Variants in STRADA observed in about 807,000 individuals in gnomAD.
STRADA encodes STE20-related kinase adapter protein alpha.
STRADA carries 26 observed loss-of-function variants against 55.0 expected under a neutral mutation model. That is an observed-to-expected ratio of 0.47 (90% CI 0.35 to 0.66). The LOEUF (loss-of-function observed/expected upper bound fraction) is 0.66, where lower values mean the gene tolerates loss of function less well. Ranked by LOEUF, STRADA falls within the 30% of genes least tolerant of loss-of-function variation. STRADA has a pLI of 0.01. For synonymous variants in STRADA, 197 were observed against 210.9 expected (o/e 0.93, Z 0.57); for missense variants, 443 against 549.7 (o/e 0.81, Z 1.94).
rs181543587 is a variant in STRADA, at chr17:63,740,917, T to C, written c.-45+824A>G. Among the ~76,000 whole-genome samples the C allele has an allele frequency of 2.3e-3, 356 of 152,338 alleles. 3 individuals carry two copies. The highest frequency in any genetic ancestry group is 0.021 in the Admixed American group (318 of 15,308). The stretch of plus-strand genomic sequence containing the variant: ...CAGGTGATCAAATTTGGTTTCTTCC[T>C]TAACTCTCAGGGACAAGAAACAGTC... On this transcript the variant is annotated intron_variant, in intron 1 of 12. Coordinates refer to ENST00000336174, the MANE Select transcript of STRADA (RefSeq NM_001003787.4).
intron 9 of STRADA, 140 bp from the exon 10 acceptor site, chr17:63,706,879 A>C: frequency 1.5e-6 from 1 of 669,736 alleles, no homozygotes; most frequent in Non-Finnish European, 2.6e-6. Context: ...GTGCTACTGA[A>C]GACTAACTGG....
At chr17:63,718,198 C>T (rs143439733) in intron 4 of STRADA, among the ~76,000 whole-genome samples, 1 of 152,286 alleles carries the variant, frequency 6.6e-6, no homozygotes, top group East Asian at 1.9e-4. Context: ...ACTGGGATTA[C>T]AGGCTTGAGC....
chr17:63,720,792 TA>T (rs1471538835), intron 4 of STRADA, among the ~76,000 whole-genome samples: 1 of 113,442 alleles, frequency 8.8e-6, no homozygotes, highest in Non-Finnish European at 1.8e-5. Context: ...AAAAAAAAAG[TA>T]AAAAAAGAAA....
At position 63,704,653 on chromosome 17, in the gene STRADA, A is replaced by T. The variant is rs1478572415; in HGVS notation, c.859-71T>A. 7 of 1,515,470 alleles carry T rather than the reference A, an allele frequency of 4.6e-6. No homozygotes were observed. In the South Asian group the frequency reaches 9.0e-5, roughly 20 times the overall value. 93.9% of individuals were successfully genotyped at this position (1,515,470 alleles called of 1,614,324 possible). On this transcript the variant is annotated intron_variant, in intron 10 of 12. Coordinates refer to ENST00000336174, the MANE Select transcript of STRADA (RefSeq NM_001003787.4). ...GGGGGTGGTCCCTGGAAGGCCTGAG[A>T]GTCTCTTCACAAATACACTGTTCCC...
At position 63,730,895 on chromosome 17, in the gene STRADA, G is replaced by A. The variant is rs142144418; in HGVS notation, c.-44-2482C>T. Among the ~76,000 whole-genome samples the A allele has an allele frequency of 4.9e-3, 741 of 152,066 alleles. 7 individuals carry two copies. Among genetic ancestry groups the A allele is most frequent in the African/African-American group, 0.017 (717 of 41,496 alleles). On this transcript the variant is annotated intron_variant, in intron 1 of 12. Transcript: ENST00000336174. ...TGAGCTCAAGCAATTGTCTGCCTCA[G>A]CCTCCCAAAGTGCTAGGATTACAGG...
In STRADA at chr17:63,703,560, T is replaced by G. The variant is rs529800741; in HGVS notation, c.*39A>C. The G allele has an allele frequency of 6.3e-7, 1 of 1,587,628 alleles. No individual in the cohort carries two copies. The highest frequency in any genetic ancestry group is 8.6e-7 in the Non-Finnish European group (1 of 1,164,540). On this transcript the variant is annotated 3_prime_UTR_variant, in exon 13 of 13. Coordinates refer to ENST00000336174, the MANE Select transcript of STRADA (RefSeq NM_001003787.4). ...TCAGGAAGGGCCTCTGGGTGGCCTC[T>G]GCATCCCTGGCTGGAGAATGCGCAC... is the stretch of plus-strand genomic sequence containing the variant.
intron 5 of STRADA, 25 bp downstream of exon 5, chr17:63,713,981 G>A: frequency 6.3e-7 from 1 of 1,593,210 alleles, no homozygotes; most frequent in Non-Finnish European, 8.6e-7. Context: ...GAAAGCAGGA[G>A]AGTAAGGACG....
intron 1 of STRADA, among the ~76,000 whole-genome samples, chr17:63,729,152 G>A (rs1464790006): frequency 1.3e-5 from 2 of 152,022 alleles, no homozygotes; most frequent in African/African-American, 4.8e-5. Context: ...CCAAAGTGTG[G>A]GGGTTACCAC....
chr17:63,737,293 A>C (rs2038519750), intron 1 of STRADA: 1 of 149,054 alleles, frequency 6.7e-6, no homozygotes, highest in Non-Finnish European at 1.5e-5. Context: ...ATAGTTCAGC[A>C]AGGAATGAGA....
chr17:63,716,626 C>T (rs1046705561), intron 4 of STRADA, among the ~76,000 whole-genome samples: 8 of 152,052 alleles, frequency 5.3e-5, no homozygotes, highest in Admixed American at 2.0e-4. Flanking sequence ...GTAGGCCCCA[C>T]GGAACTCTGA....
intron 3 of STRADA, among the ~76,000 whole-genome samples, chr17:63,724,944 T>A (rs1470092624): frequency 6.6e-6 from 1 of 152,102 alleles, no homozygotes; most frequent in Non-Finnish European, 1.5e-5. Context: ...TTGAGATGTG[T>A]TAGGGAAAAT....
intron 1 of STRADA, among the ~76,000 whole-genome samples, chr17:63,740,994 G>C (rs988962813): frequency 1.3e-5 from 2 of 152,050 alleles, no homozygotes; most frequent in Non-Finnish European, 1.5e-5. Flanking sequence ...TCTTAACGTC[G>C]CATATACGTA....
chr17:63,736,849 C>CAAAAAA (rs1051246761), intron 1 of STRADA, among the ~76,000 whole-genome samples: 1 of 127,404 alleles, frequency 7.8e-6, no homozygotes, highest in Non-Finnish European at 1.6e-5. Flanking sequence ...CCCCCCCCAC[C>CAAAAAA]AAAAAAAAAT....
intron 8 of STRADA, among the ~76,000 whole-genome samples, chr17:63,707,775 G>A (rs1337573817): frequency 6.6e-6 from 1 of 150,976 alleles, no homozygotes; most frequent in East Asian, 2.0e-4. Context: ...CTGTCGCACA[G>A]ACTGGAGTGT....
At chr17:63,722,579 A>T (rs2037386075) in intron 4 of STRADA, among the ~76,000 whole-genome samples, 4 of 152,194 alleles carry the variant, frequency 2.6e-5, no homozygotes, top group Non-Finnish European at 1.5e-5. Flanking sequence ...AGTCAACATC[A>T]CTGTCCTTCA....
At chr17:63,729,539 C>A (rs529880986) in intron 1 of STRADA, among the ~76,000 whole-genome samples, 3 of 152,178 alleles carry the variant, frequency 2.0e-5, no homozygotes, top group Admixed American at 6.5e-5. Flanking sequence ...AATCCCAGCA[C>A]TTTGGGAGGC....
chr17:63,725,106 C>T (rs183828019), intron 3 of STRADA, among the ~76,000 whole-genome samples: 11 of 152,090 alleles, frequency 7.2e-5, no homozygotes, highest in Middle Eastern at 3.4e-3. Flanking sequence ...TGGTGTGATC[C>T]TGTAATCCCA....
intron 8 of STRADA, among the ~76,000 whole-genome samples, chr17:63,708,540 A>ATG (rs1468703445): frequency 2.6e-5 from 4 of 151,042 alleles, no homozygotes; most frequent in African/African-American, 9.8e-5. Flanking sequence ...CTCCATTTAC[A>ATG]TATCACCAGA....
At chr17:63,724,618 T>G (rs1725322167) in intron 3 of STRADA, among the ~76,000 whole-genome samples, 1 of 152,104 alleles carries the variant, frequency 6.6e-6, no homozygotes, top group Admixed American at 6.6e-5. Context: ...TTTCACCATA[T>G]TGCCAGGCTG....
Sources: gnomAD v4.1 joint callset for allele counts (sites outside exome capture counted in the v4.1 genomes callset) on GRCh38, gnomAD v4.1.1 for gene constraint, MANE v1.5 for transcripts, NCBI Gene and HGNC (gene_info 2026-07-23, HGNC 2026-07-21) for gene names.